The following ITPR2 variants were observed in gnomAD, a reference collection of about 807,000 sequenced individuals.
ITPR2 encodes the protein inositol 1,4,5-trisphosphate receptor type 2.
ITPR2 carries 207 observed loss-of-function variants against 317.1 expected under a neutral mutation model. The observed-to-expected ratio is 0.65, with a 90% CI of 0.58 to 0.73. The LOEUF (loss-of-function observed/expected upper bound fraction) is 0.73, where lower values mean the gene tolerates loss of function less well. Among genes scored for constraint, ITPR2 ranks in the 30% least tolerant of loss-of-function variants. ITPR2 has a pLI of 0.00. For missense variants in ITPR2, 2,613 were observed against 3,284.0 expected (o/e 0.80, Z 4.99); for synonymous variants, 1,156 against 1,149.1 (o/e 1.01, Z -0.12).
intron 8 of ITPR2, among the ~76,000 whole-genome samples, 182 bp downstream of exon 8, chr12:26,715,117 G>C (rs1948713829): frequency 6.6e-6 from 1 of 151,956 alleles, no homozygotes; most frequent in African/African-American, 2.4e-5. Flanking sequence ...GAGAAGACAG[G>C]CTTAGGAAAC....
chr12:26,788,063 C>T (rs1315067819), intron 2 of ITPR2, among the ~76,000 whole-genome samples: 1 of 151,632 alleles, frequency 6.6e-6, no homozygotes, highest in Non-Finnish European at 1.5e-5. Flanking sequence ...GCTGGGATTA[C>T]AGGCATGAGC....
chr12:26,558,259 C>T (rs895525167), intron 35 of ITPR2, among the ~76,000 whole-genome samples: 2 of 152,162 alleles, frequency 1.3e-5, no homozygotes, highest in Non-Finnish European at 2.9e-5. Flanking sequence ...AAACAAATAG[C>T]ACTCAGGCTG....
rs147323029 is a variant in ITPR2 at position 26,565,264 on chromosome 12, A to G, written c.4631-3312T>C. ...TGAAGAAGAAAATTAAGTTAGAAAC[A>G]AATGAAAAAAGATCCATCAGCTATT... On this transcript the variant is annotated intron_variant, in intron 34 of 56. Transcript: ENST00000381340. Among the ~76,000 whole-genome samples, 73 of 152,354 alleles carry G rather than the reference A, an allele frequency of 4.8e-4. 1 individual carries two copies. In the South Asian group the frequency reaches 7.9e-3, roughly 16 times the overall value.
In ITPR2 at chr12:26,383,494, G is replaced by T. The variant is rs1335513939; in HGVS notation, c.7857+3940C>A. ...TGTTTGTTTGTTTGTTTGTTTGTTT[G>T]TTTTTTTGAGATGGAGTCTTGCTCT... On this transcript the variant is annotated intron_variant, in intron 55 of 56. Coordinates refer to ENST00000381340, the MANE Select transcript of ITPR2 (RefSeq NM_002223.4). Among the ~76,000 whole-genome samples, 5 of 150,084 alleles carry T rather than the reference G, an allele frequency of 3.3e-5. No individual in the cohort carries two copies. The South Asian group carries it at 8.4e-4, about 25-fold the overall frequency.
At position 26,443,538 on chromosome 12, in the gene ITPR2, G is replaced by A; in HGVS notation, c.6450+5C>T. The A allele has an allele frequency of 6.3e-7, 1 of 1,594,024 alleles. No homozygotes were observed. The highest frequency in any genetic ancestry group is 1.3e-5 in the African/African-American group (1 of 74,510). ...GGTCTCTTTCAATAAATAATAGATG[G>A]TTACCTCAATCTGTGCAGTGTGGTT... On this transcript the variant is annotated splice_donor_5th_base_variant and intron_variant, in intron 46 of 56. Coordinates refer to ENST00000381340, the MANE Select transcript of ITPR2 (RefSeq NM_002223.4).
intron 38 of ITPR2, among the ~76,000 whole-genome samples, chr12:26,494,771 GAAAAAAAAA>G (rs71069245): frequency 1.2e-4 from 6 of 50,350 alleles, no homozygotes; most frequent in East Asian, 1.1e-3. Context: ...CTCTGCCTCA[GAAAAAAAAA>G]AAAAAAAAAA....
At chr12:26,715,501 T>C in intron 7 of ITPR2, 56 bp from the exon 8 acceptor site, 2 of 1,529,988 alleles carry the variant, frequency 1.3e-6, no homozygotes, top group East Asian at 2.3e-5. Context: ...CAGGTGTCTC[T>C]TTCTGGTTTT....
intron 45 of ITPR2, among the ~76,000 whole-genome samples, chr12:26,456,779 T>TC (rs1223190175): frequency 6.6e-6 from 1 of 152,144 alleles, no homozygotes; most frequent in East Asian, 1.9e-4. Context: ...TTCAAGCGAT[T>TC]CTCTTGCCTC....
At chr12:26,458,943 T>C (rs769281975) in intron 45 of ITPR2, among the ~76,000 whole-genome samples, 1 of 152,170 alleles carries the variant, frequency 6.6e-6, no homozygotes, top group African/African-American at 2.4e-5. Flanking sequence ...TGTGATCCCA[T>C]AGCGGGCCTT....
At chr12:26,343,730 G>C (rs188261771) in intron 55 of ITPR2, among the ~76,000 whole-genome samples, 129 of 152,256 alleles carry the variant, frequency 8.5e-4, no homozygotes, top group African/African-American at 3.1e-3. Context: ...AGGTATTAAA[G>C]GATAGGATGG....
At chr12:26,646,793 G>A in intron 21 of ITPR2, among the ~76,000 whole-genome samples, 1 of 152,226 alleles carries the variant, frequency 6.6e-6, no homozygotes, top group Middle Eastern at 3.4e-3. Context: ...ATTCTCCATT[G>A]AATTTTTTTT....
At chr12:26,346,315 G>C (rs1938305676) in intron 55 of ITPR2, among the ~76,000 whole-genome samples, 1 of 152,210 alleles carries the variant, frequency 6.6e-6, no homozygotes, top group African/African-American at 2.4e-5. Context: ...TGATTAGGTT[G>C]CAAGTGTCAA....
intron 33 of ITPR2, among the ~76,000 whole-genome samples, chr12:26,579,073 G>GA (rs1433062786): frequency 6.6e-6 from 1 of 151,936 alleles, no homozygotes; most frequent in African/African-American, 2.4e-5. Flanking sequence ...TTCTTAATCA[G>GA]AAAAAAATAT....
intron 22 of ITPR2, chr12:26,630,479 G>C (rs1946724785): frequency 6.6e-6 from 1 of 152,246 alleles, no homozygotes; most frequent in Admixed American, 6.6e-5. Context: ...GGGAAGAGAG[G>C]AGCTGGCACA....
intron 37 of ITPR2, among the ~76,000 whole-genome samples, chr12:26,519,902 G>T (rs183511709): frequency 9.3e-4 from 141 of 152,300 alleles, no homozygotes; most frequent in African/African-American, 3.3e-3. Context: ...GGTATGATAA[G>T]TGATATGACA....
chr12:26,495,293 C>T (rs772105390), intron 37 of ITPR2, 33 bp from the exon 38 acceptor site: 6 of 1,187,268 alleles, frequency 5.1e-6, no homozygotes, highest in Non-Finnish European at 7.4e-6. Flanking sequence ...GTTACTGTTC[C>T]CTTTTCTAAT....
chr12:26,610,012 G>T (rs920273836), intron 26 of ITPR2, among the ~76,000 whole-genome samples: 3 of 152,122 alleles, frequency 2.0e-5, no homozygotes, highest in African/African-American at 7.2e-5. Flanking sequence ...GAGGTCTGAG[G>T]CAAAAATAGA....
intron 4 of ITPR2, among the ~76,000 whole-genome samples, chr12:26,724,227 T>C (rs1948883152): frequency 2.0e-5 from 3 of 152,172 alleles, no homozygotes; most frequent in Non-Finnish European, 4.4e-5. Context: ...AGTGTGTGCA[T>C]ACTAATAGAA....
chr12:26,578,866 T>C (rs1412585033), intron 33 of ITPR2, 33 bp from the exon 34 acceptor site: 2 of 1,580,286 alleles, frequency 1.3e-6, no homozygotes, highest in African/African-American at 1.3e-5. Context: ...CAAAAAGAGA[T>C]GCTAAACCAT....
Sources: allele counts gnomAD v4.1 joint callset (sites outside exome capture counted in the v4.1 genomes callset), GRCh38; gene constraint gnomAD v4.1.1; transcripts MANE v1.5; gene names NCBI Gene and HGNC (gene_info 2026-07-23, HGNC 2026-07-21).